The following KIF15 variants were observed in gnomAD, a reference collection of about 807,000 sequenced individuals.
KIF15 encodes the protein kinesin-like protein KIF15.
Under a neutral mutation model 190.6 loss-of-function variants are expected in KIF15, and 140 were observed. The observed-to-expected ratio is 0.73, with a 90% confidence interval of 0.64 to 0.84. The LOEUF (loss-of-function observed/expected upper bound fraction) is 0.84. Among genes scored for constraint, KIF15 ranks in the 40% least tolerant of loss-of-function variants. The probability of loss-of-function intolerance (pLI) is 0.00; values close to 1 mark genes in which losing one functional copy is unlikely to be tolerated. For missense variants in KIF15, 1,372 were observed against 1,584.4 expected (o/e 0.87, Z 2.28); for synonymous variants, 528 against 551.3 (o/e 0.96, Z 0.59).
chr3:44,856,292 C>T (rs1028169670), downstream of KIF15, among the ~76,000 whole-genome samples: 2 of 152,186 alleles, frequency 1.3e-5, no homozygotes, highest in Non-Finnish European at 2.9e-5. Context: ...GGCAAATCCC[C>T]AAACTTGATG....
intron 28 of KIF15, 98 bp downstream of exon 28, chr3:44,840,554 A>T: frequency 1.3e-6 from 1 of 760,352 alleles, no homozygotes. Flanking sequence ...CTTTTTAAAG[A>T]AAAAGATTTT....
chr3:44,779,482 AATT>A (rs926936090), intron 4 of KIF15, among the ~76,000 whole-genome samples: 35 of 152,200 alleles, frequency 2.3e-4, no homozygotes, highest in African/African-American at 8.0e-4. Context: ...ATTGTCAAGT[AATT>A]ATTAGTAGTG....
At chr3:44,801,205 C>T (rs1351166324) in intron 11 of KIF15, among the ~76,000 whole-genome samples, 18 of 97,912 alleles carry the variant, frequency 1.8e-4, no homozygotes, top group African/African-American at 6.0e-4. Context: ...AGATCGGGGG[C>T]GGCGGGAGGG....
intron 23 of KIF15, among the ~76,000 whole-genome samples, chr3:44,827,826 G>A (rs2125691322): frequency 6.6e-6 from 1 of 152,214 alleles, no homozygotes; most frequent in East Asian, 1.9e-4. Flanking sequence ...GGGACTATGG[G>A]CATGCACCAC....
chr3:44,797,450 C>G, intron 8 of KIF15, 101 bp from the exon 9 acceptor site: 1 of 1,237,456 alleles, frequency 8.1e-7, no homozygotes. Flanking sequence ...CCTGACTTGC[C>G]TTTTCATCCA....
At chr3:44,831,122 A>C (rs1698049612) in intron 26 of KIF15, 104 bp downstream of exon 26, 1 of 1,296,738 alleles carries the variant, frequency 7.7e-7, no homozygotes, top group South Asian at 1.4e-5. Context: ...TTTTTAAAGA[A>C]ATAATTCTTA....
intron 7 of KIF15, among the ~76,000 whole-genome samples, chr3:44,793,464 G>A (rs1706816854): frequency 6.6e-6 from 1 of 152,178 alleles, no homozygotes; most frequent in Admixed American, 6.5e-5. Flanking sequence ...CACAAATAAA[G>A]CGTGGCAAAA....
intron 7 of KIF15, among the ~76,000 whole-genome samples, chr3:44,787,572 A>G (rs1706471273): frequency 6.6e-6 from 1 of 152,172 alleles, no homozygotes; most frequent in African/African-American, 2.4e-5. Context: ...TAGTATGTGT[A>G]TACATACATA....
chr3:44,775,460 CTTTTT>C, intron 3 of KIF15, 23 bp downstream of exon 3: 1 of 1,343,562 alleles, frequency 7.4e-7, no homozygotes, highest in Admixed American at 2.2e-5. Context: ...AGAAACTTAA[CTTTTT>C]TTTTTTTTTG....
chr3:44,868,287 G>T lies in KIF15; in HGVS notation c.*60-5042G>T, dbSNP rs1040670132. Among the ~76,000 whole-genome samples, 5 of 152,124 alleles carry T rather than the reference G, an allele frequency of 3.3e-5. No homozygotes were observed. In the East Asian group the frequency reaches 9.6e-4, roughly 29 times the overall value. On this transcript the variant is annotated intron_variant and NMD_transcript_variant, in intron 6 of 6. Transcript: ENST00000422209. The stretch of plus-strand genomic sequence containing the variant: ...CTCATTCATGTTGTAGCATGAATCA[G>T]TTATTCATTCCTTTTTATGACTGAA...
intron 8 of KIF15, 144 bp downstream of exon 8, chr3:44,794,570 G>T (rs147271043): frequency 1.7e-6 from 1 of 574,576 alleles, no homozygotes; most frequent in Admixed American, 3.4e-5. Flanking sequence ...ATACCACATG[G>T]CTTAGGTATG....
At chr3:44,817,221 C>T (rs1708069263) in intron 20 of KIF15, among the ~76,000 whole-genome samples, 1 of 152,156 alleles carries the variant, frequency 6.6e-6, no homozygotes, top group Non-Finnish European at 1.5e-5. Context: ...ATTTCTTTTG[C>T]TGTGCAGAGG....
chr3:44,865,222 T>C (rs1699308623), intron 6 of KIF15: 1 of 1,612,554 alleles, frequency 6.2e-7, no homozygotes, highest in African/African-American at 1.3e-5. Flanking sequence ...ATCATGATGG[T>C]GGCCCAGCCT....
At chr3:44,859,323 G>A (rs1343923872) in intron 6 of KIF15, among the ~76,000 whole-genome samples, 2 of 152,284 alleles carry the variant, frequency 1.3e-5, no homozygotes, top group South Asian at 2.1e-4. Flanking sequence ...CCTTGAAGGC[G>A]AGGTTAATTA....
At chr3:44,829,774 T>C (rs1327816632) in intron 24 of KIF15, among the ~76,000 whole-genome samples, 197 bp from the exon 25 acceptor site, 2 of 141,390 alleles carry the variant, frequency 1.4e-5, no homozygotes, top group Non-Finnish European at 3.0e-5. Flanking sequence ...ATATTATAGA[T>C]GTATATATAT....
At position 44,826,168 on chromosome 3, in the gene KIF15, A is replaced by T; in HGVS notation, c.2679A>T (p.Glu893Asp). 6.3e-7 allele frequency: 1 copy of T among 1,576,948 alleles called. No homozygotes were observed. The highest frequency in any genetic ancestry group is 8.5e-7 in the Non-Finnish European group (1 of 1,170,490). Residue 893 changes from glutamate (E) to aspartate (D), a missense_variant, in exon 21 of 35, where the codon GAA becomes GAT. Transcript: ENST00000326047. ...RNLQNFKKEN[E>D]TLKSDLNNLM... Reference sequence around the variant, plus strand: ...TCCAAAACTTCAAAAAAGAAAATGAAACTCTGAAATCTGATCTGAATGTAT... The same window carrying T: ...TCCAAAACTTCAAAAAAGAAAATGATACTCTGAAATCTGATCTGAATGTAT...
At chr3:44,785,072 TA>T (rs1011323437) in intron 6 of KIF15, 130 bp downstream of exon 6, 64 of 500,018 alleles carry the variant, frequency 1.3e-4, no homozygotes, top group South Asian at 7.6e-4. Context: ...TAGCGTGGCA[TA>T]AAAAAAAACC....
Position 44,861,830 on chromosome 3 carries a change from C to T in KIF15, c.*59+9036C>T, listed in dbSNP as rs1399360123. 3 of 1,347,618 alleles carry T rather than the reference C, an allele frequency of 2.2e-6. No individual in the cohort carries two copies. The East Asian group carries it at 8.7e-5, about 39-fold the overall frequency. The allele number at this position is 1,347,618 out of a possible 1,614,324, so 83.5% of individuals were successfully genotyped here. A position where few individuals can be genotyped will look rare whatever the true frequency, so the allele number is the denominator to read the frequency against. Reference sequence around the variant, plus strand: ...CAAGGGGCCTGCCGGAGCGTGGCGTCACAGGAGCGTCGCGTCACGTGAGGC... The same window carrying T: ...CAAGGGGCCTGCCGGAGCGTGGCGTTACAGGAGCGTCGCGTCACGTGAGGC... On this transcript the variant is annotated intron_variant and NMD_transcript_variant, in intron 6 of 6. Transcript: ENST00000422209.
intron 22 of KIF15, among the ~76,000 whole-genome samples, chr3:44,826,758 T>G (rs1459375123): frequency 1.3e-5 from 2 of 152,202 alleles, no homozygotes; most frequent in Non-Finnish European, 2.9e-5. Context: ...ACTCTTCCTT[T>G]TATTATTGGA....
Sources: gnomAD v4.1 joint callset for allele counts (sites outside exome capture counted in the v4.1 genomes callset) on GRCh38, gnomAD v4.1.1 for gene constraint, MANE v1.5 for transcripts, NCBI Gene and HGNC (gene_info 2026-07-23, HGNC 2026-07-21) for gene names.